Variants in LPCAT2 observed in about 807,000 individuals in gnomAD.
LPCAT2 encodes the protein lysophosphatidylcholine acyltransferase 2.
A neutral mutation model predicts 64.7 loss-of-function variants in LPCAT2; 58 were observed. The observed-to-expected ratio is 0.90, with a 90% CI of 0.73 to 1.12. LPCAT2 has a LOEUF of 1.12. Ranked by LOEUF, LPCAT2 falls within the 50% of genes most tolerant of loss-of-function variation. The probability of loss-of-function intolerance (pLI) is 0.00; values close to 1 mark genes in which losing one functional copy is unlikely to be tolerated. For synonymous variants in LPCAT2, 252 were observed against 245.3 expected (o/e 1.03, Z -0.26); for missense variants, 579 against 669.8 (o/e 0.86, Z 1.50).
At chr16:55,516,666 G>A (rs757083547) in intron 1 of LPCAT2, among the ~76,000 whole-genome samples, 1 of 152,146 alleles carries the variant, frequency 6.6e-6, no homozygotes, top group African/African-American at 2.4e-5. Flanking sequence ...TGACAGAATC[G>A]AAGGGTGAAA....
intron 1 of LPCAT2, among the ~76,000 whole-genome samples, chr16:55,523,906 G>T (rs11646382): frequency 0.48 from 72,481 of 151,546 alleles, 18,005 homozygotes; most frequent in Non-Finnish European, 0.55. Context: ...TTTCTTTTAT[G>T]TACATTGTAC....
chr16:55,537,730 C>T, intron 8 of LPCAT2, 98 bp downstream of exon 8: 2 of 963,722 alleles, frequency 2.1e-6, no homozygotes, highest in East Asian at 2.5e-5. Context: ...GGTCCATCAC[C>T]AGGTGTTTTA....
At chr16:55,559,946 T>A (rs1963618249) in intron 11 of LPCAT2, among the ~76,000 whole-genome samples, 1 of 152,146 alleles carries the variant, frequency 6.6e-6, no homozygotes, top group South Asian at 2.1e-4. Context: ...CTGAGTGTAG[T>A]TAACTAAAAT....
In LPCAT2 at chr16:55,509,347, G is replaced by C; in HGVS notation, c.166G>C (p.Val56Leu). 6.9e-7 allele frequency: 1 copy of C among 1,441,280 alleles called. No individual in the cohort carries two copies. The highest frequency in any genetic ancestry group is 9.2e-7 in the Non-Finnish European group (1 of 1,087,522). The allele number at this position is 1,441,280 out of a possible 1,614,324, so 89.3% of individuals were successfully genotyped here. A position where few individuals can be genotyped will look rare whatever the true frequency, so the allele number is the denominator to read the frequency against. Residue 56 changes from valine (V) to leucine (L), a missense_variant, in exon 1 of 14, where the codon GTC (valine) becomes CTC (leucine). Transcript: ENST00000262134. The stretch of plus-strand genomic sequence containing the variant: ...GACGCAGATCGGCTCCGCGAGGCGG[G>C]TCCAGGTGAGGGGCGTGGGTCTGAG... ...QQTQIGSARR[V>L]QIVLLGIILL...
chr16:55,558,138 GA>G (rs1963598007), intron 11 of LPCAT2, among the ~76,000 whole-genome samples: 1 of 152,200 alleles, frequency 6.6e-6, no homozygotes, highest in Non-Finnish European at 1.5e-5. Context: ...TGAGAGCTAA[GA>G]GCTTAAACAA....
chr16:55,561,331 C>T (rs1309704110), intron 11 of LPCAT2, among the ~76,000 whole-genome samples: 1 of 146,426 alleles, frequency 6.8e-6, no homozygotes, highest in Non-Finnish European at 1.5e-5. Context: ...CAAATTGGGA[C>T]TAAATTATCC....
chr16:55,532,163 T>G, intron 5 of LPCAT2, 189 bp downstream of exon 5: 1 of 538,436 alleles, frequency 1.9e-6, no homozygotes, highest in South Asian at 2.2e-5. Flanking sequence ...ATAATTCCTC[T>G]CCCCTTGGAG....
chr16:55,556,641 T>C (rs951407783), intron 11 of LPCAT2, among the ~76,000 whole-genome samples: 1 of 151,782 alleles, frequency 6.6e-6, no homozygotes, highest in Non-Finnish European at 1.5e-5. Context: ...TAGGTGGGCG[T>C]GGTGGCTGAG....
At chr16:55,542,254 A>C (rs1222880185) in intron 8 of LPCAT2, among the ~76,000 whole-genome samples, 1 of 152,126 alleles carries the variant, frequency 6.6e-6, no homozygotes, top group African/African-American at 2.4e-5. Context: ...ATGAGATGTT[A>C]ACCTGAGAAA....
At chr16:55,578,874 G>A in intron 12 of LPCAT2, 1 of 388,252 alleles carries the variant, frequency 2.6e-6, no homozygotes, top group East Asian at 4.7e-5. Context: ...TCCCCATGGA[G>A]ATCCCCTGTC....
At chr16:55,519,520 G>T (rs55848271) in intron 1 of LPCAT2, among the ~76,000 whole-genome samples, 1 of 144,012 alleles carries the variant, frequency 6.9e-6, no homozygotes, top group Non-Finnish European at 1.5e-5. Flanking sequence ...AAAAAAAAAA[G>T]AAAGAAAGAA....
Position 55,528,406 on chromosome 16 carries a change from T to G in LPCAT2, c.341T>G (p.Leu114Arg), listed in dbSNP as rs1167930342. Residue 114 changes from leucine (L) to arginine (R), a missense_variant, in exon 3 of 14, where the codon CTG (leucine) becomes CGG (arginine). Coordinates refer to ENST00000262134, the MANE Select transcript of LPCAT2 (RefSeq NM_017839.5). ...ATTACTCAAACAGCTTTGAAATTTC[T>G]GGGTCGTGCTATGTTCTTTTCAATG... ...RKITQTALKFLGRAMFFSMGF... is the reference protein window; with the variant it reads ...RKITQTALKFRGRAMFFSMGF... The G allele has an allele frequency of 6.2e-7, 1 of 1,613,674 alleles. No individual in the cohort carries two copies. Among genetic ancestry groups the G allele is most frequent in the African/African-American group, 1.3e-5 (1 of 74,930 alleles).
rs1963512533 is a variant in LPCAT2, at chr16:55,551,091, CT to C, written c.1205del (p.Leu402ProfsTer16). The C allele has an allele frequency of 6.2e-7, 1 of 1,610,942 alleles. No homozygotes were observed. The highest frequency in any genetic ancestry group is 1.7e-5 in the Admixed American group (1 of 59,862). ...VSDVLRQLFALFDRNHDGSID... is the reference protein window; with the variant it reads ...VSDVLRQLFAXFDRNHDGSID... ...AGATGTCTTGAGACAACTTTTTGCACTCTTTGACAGGGTATGTTAAAATTTA... is the reference window on the plus strand; with the variant it reads ...AGATGTCTTGAGACAACTTTTTGCACCTTTGACAGGGTATGTTAAAATTTA... On this transcript the variant is annotated frameshift_variant, in exon 11 of 14. Coordinates refer to ENST00000262134, the MANE Select transcript of LPCAT2 (RefSeq NM_017839.5). LOFTEE classifies it high-confidence loss of function.
chr16:55,564,766 C>T (rs1325381598), intron 11 of LPCAT2, among the ~76,000 whole-genome samples: 1 of 151,950 alleles, frequency 6.6e-6, no homozygotes. Context: ...GGAAAAGCTT[C>T]ATGACACTGG....
chr16:55,534,070 T>C (rs1963292066), intron 6 of LPCAT2, among the ~76,000 whole-genome samples: 1 of 152,204 alleles, frequency 6.6e-6, no homozygotes, highest in Admixed American at 6.5e-5. Context: ...ATGTTCATAT[T>C]ATTTTATTTC....
intron 2 of LPCAT2, 51 bp from the exon 3 acceptor site, chr16:55,528,325 GC>G (rs1230284544): frequency 1.4e-6 from 2 of 1,428,758 alleles, no homozygotes; most frequent in Non-Finnish European, 2.0e-6. Flanking sequence ...GTAAAACCCT[GC>G]TGCTAGCTTT....
At chr16:55,531,475 C>G (rs1450217562) in intron 4 of LPCAT2, among the ~76,000 whole-genome samples, 1 of 151,942 alleles carries the variant, frequency 6.6e-6, no homozygotes, top group Non-Finnish European at 1.5e-5. Context: ...ATCTTTTTTC[C>G]TTTGTCCTCA....
chr16:55,524,337 T>A (rs1186490312), intron 1 of LPCAT2, among the ~76,000 whole-genome samples: 1 of 151,970 alleles, frequency 6.6e-6, no homozygotes, highest in African/African-American at 2.4e-5. Flanking sequence ...TCCATTTATA[T>A]GACATTTAAG....
rs1384244013 is a variant in LPCAT2, at chr16:55,579,145, G to A, written c.1351G>A (p.Glu451Lys). 1 of 1,613,302 alleles carries A rather than the reference G, an allele frequency of 6.2e-7. No individual in the cohort carries two copies. The highest frequency in any genetic ancestry group is 1.3e-5 in the African/African-American group (1 of 74,824). The change falls in exon 13 of 14, where the codon GAA (glutamate) becomes AAA (lysine). Residue 451 changes from glutamate (E) to lysine (K), a missense_variant. Transcript: ENST00000262134. ...TGATGAGGATGGCTACATAACGGAG[G>A]AAGAGTTCTCCACCATTCTACAGGC... Reference protein sequence around the residue: ...DVDEDGYITEEEFSTILQASL... With the variant: ...DVDEDGYITEKEFSTILQASL...
Sources: allele counts gnomAD v4.1 joint callset (sites outside exome capture counted in the v4.1 genomes callset), GRCh38; gene constraint gnomAD v4.1.1; transcripts MANE v1.5; gene names NCBI Gene and HGNC (gene_info 2026-07-23, HGNC 2026-07-21).